LRRC4C: variants seen among roughly 807,000 people sequenced by gnomAD.
LRRC4C encodes leucine-rich repeat-containing protein 4C.
Under a neutral mutation model 33.6 loss-of-function variants are expected in LRRC4C, and 5 were observed. The ratio of observed to expected loss-of-function variants is 0.15; its 90% CI spans 0.08 to 0.31. LRRC4C has a LOEUF of 0.31. Among genes scored for constraint, LRRC4C ranks in the 10% least tolerant of loss-of-function variants. The pLI is 1.00. For missense variants in LRRC4C, 560 were observed against 796.7 expected (o/e 0.70, Z 3.58); for synonymous variants, 329 against 302.0 (o/e 1.09, Z -0.93).
chr11:40,591,191 T>C (rs150563430), intron 3 of LRRC4C, among the ~76,000 whole-genome samples: 2 of 152,202 alleles, frequency 1.3e-5, no homozygotes, highest in African/African-American at 4.8e-5. Flanking sequence ...TGTGCCATTT[T>C]TTAAGCCCGT....
At chr11:40,995,793 T>C (rs1853926395) in intron 1 of LRRC4C, among the ~76,000 whole-genome samples, 1 of 152,132 alleles carries the variant, frequency 6.6e-6, no homozygotes, top group Non-Finnish European at 1.5e-5. Flanking sequence ...TTGGAACAAA[T>C]ACCAAACCAT....
chr11:40,157,139 C>T (rs757819630), intron 5 of LRRC4C, among the ~76,000 whole-genome samples: 12 of 151,884 alleles, frequency 7.9e-5, no homozygotes, highest in African/African-American at 1.9e-4. Context: ...CTGACAAAGC[C>T]GACAAAAACA....
At chr11:40,425,377 A>G (rs1950673109) in intron 3 of LRRC4C, among the ~76,000 whole-genome samples, 1 of 152,196 alleles carries the variant, frequency 6.6e-6, no homozygotes, top group Non-Finnish European at 1.5e-5. Flanking sequence ...CACTGAGATG[A>G]ATAGAAAGGG....
At chr11:40,145,072 T>C (rs755975179) in intron 5 of LRRC4C, among the ~76,000 whole-genome samples, 3 of 152,220 alleles carry the variant, frequency 2.0e-5, no homozygotes, top group Non-Finnish European at 4.4e-5. Flanking sequence ...AGCCAACATA[T>C]TCCATTCCAT....
intron 2 of LRRC4C, among the ~76,000 whole-genome samples, chr11:40,787,422 C>G (rs1013264048): frequency 3.3e-5 from 5 of 152,134 alleles, no homozygotes; most frequent in Non-Finnish European, 5.9e-5. Context: ...CTCTATGCGA[C>G]TATGCGAAAA....
intron 1 of LRRC4C, among the ~76,000 whole-genome samples, chr11:41,184,227 C>T (rs185246954): frequency 3.9e-5 from 6 of 152,154 alleles, no homozygotes; most frequent in Admixed American, 3.9e-4. Context: ...ATTTCTGCAG[C>T]CAGCTTAAAT....
At chr11:41,200,341 C>A (rs529363606) in intron 1 of LRRC4C, among the ~76,000 whole-genome samples, 2 of 152,142 alleles carry the variant, frequency 1.3e-5, no homozygotes, top group South Asian at 2.1e-4. Context: ...GGCATTATTT[C>A]TTTTAGTCTA....
At chr11:40,648,067 G>C in intron 3 of LRRC4C, 75 bp downstream of exon 3, 1 of 152,150 alleles carries the variant, frequency 6.6e-6, no homozygotes, top group East Asian at 1.9e-4. Context: ...ATAATGATCT[G>C]AAATGTAATT....
chr11:40,391,025 G>A (rs1021416487), intron 3 of LRRC4C, among the ~76,000 whole-genome samples: 2 of 152,038 alleles, frequency 1.3e-5, no homozygotes, highest in African/African-American at 4.8e-5. Flanking sequence ...GGGATTACAT[G>A]TGTGCATCAC....
intron 1 of LRRC4C, among the ~76,000 whole-genome samples, chr11:41,424,667 T>A (rs900123885): frequency 6.6e-6 from 1 of 151,966 alleles, no homozygotes; most frequent in African/African-American, 2.4e-5. Flanking sequence ...AAGATACCAA[T>A]TTGTGTTTTA....
chr11:41,332,775 T>C (rs959689187), intron 1 of LRRC4C, among the ~76,000 whole-genome samples: 4 of 152,216 alleles, frequency 2.6e-5, no homozygotes, highest in African/African-American at 9.6e-5. Flanking sequence ...CAACTTGGGG[T>C]TTGCCTCATT....
At chr11:40,746,392 C>A (rs6485224) in intron 2 of LRRC4C, among the ~76,000 whole-genome samples, 118,505 of 152,076 alleles carry the variant, frequency 0.78, 46,332 homozygotes, top group Middle Eastern at 0.84. Context: ...GAGAAGCAAG[C>A]GAAGCACAGG....
At chr11:40,482,136 C>T (rs1320804355) in intron 3 of LRRC4C, among the ~76,000 whole-genome samples, 1 of 152,168 alleles carries the variant, frequency 6.6e-6, no homozygotes, top group Non-Finnish European at 1.5e-5. Context: ...AGATCTTTGA[C>T]TCAAAGAATG....
chr11:40,343,322 C>A (rs1946959005), intron 3 of LRRC4C, among the ~76,000 whole-genome samples: 1 of 149,900 alleles, frequency 6.7e-6, no homozygotes, highest in Admixed American at 6.7e-5. Context: ...GATGAAGATG[C>A]TATTAAGCAC....
At chr11:41,167,820 A>G (rs1223156274) in intron 1 of LRRC4C, among the ~76,000 whole-genome samples, 1 of 152,178 alleles carries the variant, frequency 6.6e-6, no homozygotes, top group Non-Finnish European at 1.5e-5. Context: ...AATGAATAGT[A>G]AAATTGAAAT....
At chr11:40,870,462 C>T (rs993738813) in intron 2 of LRRC4C, among the ~76,000 whole-genome samples, 1 of 152,066 alleles carries the variant, frequency 6.6e-6, no homozygotes, top group Admixed American at 6.6e-5. Flanking sequence ...TGTTGCAGGA[C>T]GTCAGGAACC....
At chr11:40,654,898 G>T (rs1423239744) in intron 2 of LRRC4C, among the ~76,000 whole-genome samples, 1 of 152,144 alleles carries the variant, frequency 6.6e-6, no homozygotes, top group Non-Finnish European at 1.5e-5. Context: ...TCTCTTGAGG[G>T]TGAGTGAGTT....
chr11:40,441,461 CTTT>C (rs931613930), intron 3 of LRRC4C, among the ~76,000 whole-genome samples: 4 of 152,148 alleles, frequency 2.6e-5, no homozygotes, highest in African/African-American at 9.7e-5. Context: ...TCTCTAGCTA[CTTT>C]TTTTGTGATA....
At chr11:40,343,711 G>GAGAAA (rs1946984443) in intron 3 of LRRC4C, among the ~76,000 whole-genome samples, 1 of 104,736 alleles carries the variant, frequency 9.5e-6, no homozygotes, top group East Asian at 3.6e-4. Context: ...TTGTTTTTTT[G>GAGAAA]AAAAAAAAAA....
Sources: gnomAD v4.1 joint callset for allele counts (sites outside exome capture counted in the v4.1 genomes callset) on GRCh38, gnomAD v4.1.1 for gene constraint, MANE v1.5 for transcripts, NCBI Gene and HGNC (gene_info 2026-07-23, HGNC 2026-07-21) for gene names.